SEC63: variants seen among roughly 807,000 people sequenced by gnomAD.
SEC63 encodes the protein SEC63 protein translocation regulator, also known as translocation protein SEC63 homolog.
A neutral mutation model predicts 116.2 loss-of-function variants in SEC63; 56 were observed. The ratio of observed to expected loss-of-function variants is 0.48; its 90% CI spans 0.39 to 0.60. The LOEUF is 0.60. Ranked by LOEUF, SEC63 falls within the 20% of genes least tolerant of loss-of-function variation. The probability of loss-of-function intolerance (pLI) is 0.00; values close to 1 mark genes in which losing one functional copy is unlikely to be tolerated. For missense variants in SEC63, 668 were observed against 900.0 expected (o/e 0.74, Z 3.30); for synonymous variants, 273 against 294.6 (o/e 0.93, Z 0.75).
At chr6:107,943,257 A>G (rs1770414643) in intron 1 of SEC63, among the ~76,000 whole-genome samples, 1 of 152,226 alleles carries the variant, frequency 6.6e-6, no homozygotes. Flanking sequence ...TTAATACTAC[A>G]TTTCTCTCAA....
intron 1 of SEC63, among the ~76,000 whole-genome samples, chr6:107,951,192 T>C (rs1312730289): frequency 6.6e-6 from 1 of 152,200 alleles, no homozygotes; most frequent in Non-Finnish European, 1.5e-5. Flanking sequence ...TTGTTGGCAA[T>C]ACCAAAGATG....
In SEC63 at chr6:107,872,551, G is replaced by C. The variant is rs1405269955; in HGVS notation, c.2139+257C>G. On this transcript the variant is annotated intron_variant, in intron 20 of 20. Coordinates refer to ENST00000369002, the MANE Select transcript of SEC63 (RefSeq NM_007214.5). ...AAGAAAAAAGAACCCATTTGCTGAGGCCTTATAAAGTTACAGCACATTAAA... is the reference window on the plus strand; with the variant it reads ...AAGAAAAAAGAACCCATTTGCTGAGCCCTTATAAAGTTACAGCACATTAAA... Among the ~76,000 whole-genome samples, 4 of 151,706 alleles carry C rather than the reference G, an allele frequency of 2.6e-5. No individual in the cohort carries two copies. The East Asian group carries it at 7.7e-4, about 29-fold the overall frequency.
Position 107,929,474 on chromosome 6 carries a change from C to T in SEC63, c.165G>A (p.Arg55=), listed in dbSNP as rs969902341. The part of the protein sequence containing the change: ...RLKNIRKVYG[R]CMWYRLRLLK... The stretch of plus-strand genomic sequence containing the variant: ...ATAACCGTAAACGATACCACATACA[C>T]CTTCCATATACTTTTCTGATATTCT... The change falls in exon 2 of 21, where the codon AGG becomes AGA. Residue 55 remains arginine (R), a synonymous_variant. Transcript: ENST00000369002. The T allele has an allele frequency of 6.2e-7, 1 of 1,601,510 alleles. No individual in the cohort carries two copies. The highest frequency in any genetic ancestry group is 2.2e-5 in the East Asian group (1 of 44,742).
rs1283163256 is a variant in SEC63, at chr6:107,909,055, A to C, written c.625-20T>G. 1 of 1,539,934 alleles carries C rather than the reference A, an allele frequency of 6.5e-7. No individual in the cohort carries two copies. Among genetic ancestry groups the C allele is most frequent in the African/African-American group, 1.4e-5 (1 of 73,436 alleles). On this transcript the variant is annotated intron_variant, in intron 7 of 20. Transcript: ENST00000369002. ...AGAGCCCTAAAACACAAAAAAAATT[A>C]AACAAGAAAGAAAGTATAAAAACTA...
chr6:107,874,711 T>C (rs909368138), intron 19 of SEC63, among the ~76,000 whole-genome samples: 1 of 152,136 alleles, frequency 6.6e-6, no homozygotes, highest in Non-Finnish European at 1.5e-5. Flanking sequence ...CATGTCACTC[T>C]GTTGCCCAGG....
chr6:107,907,566 GAGA>G (rs1385465821), intron 8 of SEC63, among the ~76,000 whole-genome samples: 1 of 152,122 alleles, frequency 6.6e-6, no homozygotes, highest in African/African-American at 2.4e-5. Context: ...TGGGAGATGA[GAGA>G]AACTTTGCCT....
intron 1 of SEC63, among the ~76,000 whole-genome samples, chr6:107,934,130 G>A (rs1787874908): frequency 6.6e-6 from 1 of 152,140 alleles, no homozygotes; most frequent in Non-Finnish European, 1.5e-5. Flanking sequence ...TGCAGCCTCT[G>A]CCCCGCCGCC....
chr6:107,934,998 G>A (rs1276940028), intron 1 of SEC63, among the ~76,000 whole-genome samples: 1 of 124,214 alleles, frequency 8.1e-6, no homozygotes, highest in Non-Finnish European at 1.7e-5. Flanking sequence ...AGGTGGGGGG[G>A]TCAGCCCCCC....
rs951085034 is a variant in SEC63 at position 107,867,816 on chromosome 6, A to T, written c.*3888T>A. ...GAAGTGTACAATTGTACAATATATT[A>T]TGTACATTATAAAACACACAAAAAT... is the stretch of plus-strand genomic sequence containing the variant. On this transcript the variant is annotated 3_prime_UTR_variant, in exon 21 of 21. Coordinates refer to ENST00000369002, the MANE Select transcript of SEC63 (RefSeq NM_007214.5). 1.3e-5 allele frequency: 2 copies of T among 152,192 alleles called. No individual in the cohort carries two copies. Among genetic ancestry groups the T allele is most frequent in the African/African-American group, 4.8e-5 (2 of 41,450 alleles). 9.4% of individuals were successfully genotyped at this position (152,192 alleles called of 1,614,324 possible).
intron 3 of SEC63, among the ~76,000 whole-genome samples, chr6:107,922,278 C>T (rs539947164): frequency 2.1e-4 from 32 of 152,252 alleles, no homozygotes; most frequent in African/African-American, 1.7e-4. Context: ...CCAAGGTGGG[C>T]GGATCACCTG....
intron 1 of SEC63, among the ~76,000 whole-genome samples, chr6:107,932,490 ATCCATGTAGGGGAGAGT>A (rs1787833766): frequency 6.6e-6 from 1 of 152,180 alleles, no homozygotes; most frequent in East Asian, 1.9e-4. Flanking sequence ...AGAGGGAGAG[ATCCATGTAGGGGAGAGT>A]ATGGTAGCAG....
At chr6:107,883,887 A>G (rs1786468413) in intron 16 of SEC63, among the ~76,000 whole-genome samples, 1 of 152,080 alleles carries the variant, frequency 6.6e-6, no homozygotes, top group Non-Finnish European at 1.5e-5. Flanking sequence ...TGATGCAGTA[A>G]GTAAAGGCAA....
At position 107,883,075 on chromosome 6, in the gene SEC63, A is replaced by G. The variant is rs767253106; in HGVS notation, c.1746T>C (p.Asn582=). 4 of 1,612,844 alleles carry G rather than the reference A, an allele frequency of 2.5e-6. No individual in the cohort carries two copies. The highest frequency in any genetic ancestry group is 1.3e-5 in the African/African-American group (1 of 74,842). ...KGSDSEEEET[N]RDSQSEKDDG... Reference sequence around the variant, plus strand: ...CATCTTTCTCACTTTGGGAATCTCTATTGGTTTCTTCTTCTTCAGAATCAC... The same window carrying G: ...CATCTTTCTCACTTTGGGAATCTCTGTTGGTTTCTTCTTCTTCAGAATCAC... The change falls in exon 17 of 21, where the codon AAT becomes AAC. Residue 582 remains asparagine, a synonymous_variant. Coordinates refer to ENST00000369002, the MANE Select transcript of SEC63 (RefSeq NM_007214.5).
chr6:107,897,773 A>G, intron 13 of SEC63, 42 bp from the exon 14 acceptor site: 1 of 1,360,552 alleles, frequency 7.3e-7, no homozygotes, highest in Non-Finnish European at 1.1e-6. Flanking sequence ...AATAAAAATC[A>G]AGTTCTATGT....
chr6:107,958,134 GC>G lies in SEC63; in HGVS notation c.-126del. ...ACTGCCGCCGCCGCCTCTCCTCCCC[GC>G]CCCCACGCCACTCTCACGGACACGC... On this transcript the variant is annotated 5_prime_UTR_variant, in exon 1 of 21. Transcript: ENST00000369002. The G allele has an allele frequency of 7.0e-7, 1 of 1,424,270 alleles. No homozygotes were observed. The allele number at this position is 1,424,270 out of a possible 1,614,324, so 88.2% of individuals were successfully genotyped here. A position where few individuals can be genotyped will look rare whatever the true frequency, so the allele number is the denominator to read the frequency against.
rs1349285926 is a variant in SEC63 at position 107,906,731 on chromosome 6, A to G, written c.780T>C (p.Tyr260=). The change falls in exon 9 of 21, where the codon TAT becomes TAC. Residue 260 remains tyrosine, a synonymous_variant. Transcript: ENST00000369002. ...LAGASEFDPQ[Y]NKDATSRPTD... is the part of the protein sequence containing the mutation. The stretch of plus-strand genomic sequence containing the variant: ...TTGGTCTGCTTGTGGCATCTTTATT[A>G]TACTGAGGATCAAATTCAGAAGCTC... 1.2e-6 allele frequency: 2 copies of G among 1,614,044 alleles called. No homozygotes were observed. Among genetic ancestry groups the G allele is most frequent in the Admixed American group, 3.3e-5 (2 of 60,020 alleles).
chr6:107,939,387 C>T (rs1040100450), intron 1 of SEC63, among the ~76,000 whole-genome samples: 2 of 152,192 alleles, frequency 1.3e-5, no homozygotes, highest in African/African-American at 4.8e-5. Flanking sequence ...TGCAGATTAG[C>T]TTATTCGATG....
intron 13 of SEC63, among the ~76,000 whole-genome samples, chr6:107,899,400 C>T (rs9373987): frequency 0.11 from 16,148 of 152,218 alleles, 966 homozygotes; most frequent in East Asian, 0.21. Flanking sequence ...AAAATCTCTT[C>T]TAATATTCAT....
intron 1 of SEC63, among the ~76,000 whole-genome samples, chr6:107,948,965 A>T (rs569079502): frequency 2.2e-4 from 34 of 152,286 alleles, no homozygotes; most frequent in South Asian, 1.0e-3. Context: ...GGATGTGGGG[A>T]ATCACTCTGT....
Sources: gnomAD v4.1 joint callset for allele counts (sites outside exome capture counted in the v4.1 genomes callset) on GRCh38, gnomAD v4.1.1 for gene constraint, MANE v1.5 for transcripts, NCBI Gene and HGNC (gene_info 2026-07-23, HGNC 2026-07-21) for gene names.